The following CHRNB1 variants were observed in gnomAD, a reference collection of about 807,000 sequenced individuals.
CHRNB1 encodes cholinergic receptor nicotinic beta 1 subunit.
Under a neutral mutation model 53.8 loss-of-function variants are expected in CHRNB1, and 47 were observed. The observed-to-expected ratio is 0.87, with a 90% CI of 0.69 to 1.11. The LOEUF (loss-of-function observed/expected upper bound fraction) is 1.11. CHRNB1 is among the 50% of genes most tolerant of loss of function. CHRNB1 has a pLI of 0.00. For missense variants in CHRNB1, 605 were observed against 654.9 expected (o/e 0.92, Z 0.83); for synonymous variants, 259 against 263.5 (o/e 0.98, Z 0.16).
intron 5 of CHRNB1, 151 bp from the exon 6 acceptor site, chr17:7,447,352 C>A: frequency 1.0e-6 from 1 of 969,296 alleles, no homozygotes; most frequent in Non-Finnish European, 1.6e-6. Flanking sequence ...CAGTGACCGC[C>A]CTCCCCATCC....
At chr17:7,450,180 G>A (rs534723639) in intron 7 of CHRNB1, among the ~76,000 whole-genome samples, 6 of 145,106 alleles carry the variant, frequency 4.1e-5, no homozygotes, top group East Asian at 2.0e-4. Flanking sequence ...GTTTTGCCCC[G>A]TTGCCCAGGC....
Position 7,445,319 on chromosome 17 carries a change from T to C in CHRNB1, c.108T>C (p.Ser36=). The part of the protein sequence containing the change: ...AEGRLREKLF[S]GYDSSVRPAR... ...GTCGACTCCGGGAGAAACTTTTCTC[T>C]GGCTATGATAGCTCCGTGCGGCCAG... is the stretch of plus-strand genomic sequence containing the variant. The change falls in exon 2 of 11, where the codon TCT becomes TCC. Residue 36 remains serine, a synonymous_variant. Coordinates refer to ENST00000306071, the MANE Select transcript of CHRNB1 (RefSeq NM_000747.3). The surrounding 1 kb of genome is among the most constrained non-coding windows in gnomAD (Gnocchi z 5.7). 6.2e-7 allele frequency: 1 copy of C among 1,613,182 alleles called. No homozygotes were observed. Among genetic ancestry groups the C allele is most frequent in the South Asian group, 1.1e-5 (1 of 91,040 alleles).
intron 3 of CHRNB1, chr17:7,446,329 G>GTGTGTGTGTGTGTGTGTGTGTGTC (rs1908620440): frequency 5.6e-6 from 1 of 177,340 alleles, no homozygotes; most frequent in Non-Finnish European, 1.1e-5. Flanking sequence ...GTGTGTGTCT[G>GTGTGTGTGTGTGTGTGTGTGTGTC]TGTGTGTGTG....
intron 8 of CHRNB1, 66 bp from the exon 9 acceptor site, chr17:7,455,217 GT>G: frequency 6.3e-7 from 1 of 1,587,162 alleles, no homozygotes; most frequent in Non-Finnish European, 8.6e-7. Flanking sequence ...GAGTGGGGTG[GT>G]TGGCTGTTTC....
In CHRNB1 at chr17:7,447,612, G is replaced by A. The variant is rs756513117; in HGVS notation, c.572G>A (p.Gly191Glu). ...LQTGLGPDGQ[G>E]HQEIHIHEGT... ...ACAGGCCTGGGTCCTGACGGGCAAG[G>A]GCATCAGGAAATCCACATTCATGAA... The change falls in exon 6 of 11, where the codon GGG becomes GAG. Residue 191 changes from glycine to glutamate, a missense_variant. Gly to Glu is a moderately conservative substitution (Grantham distance 98, BLOSUM62 -2). Transcript: ENST00000306071. 18 of 1,614,052 alleles carry A rather than the reference G, an allele frequency of 1.1e-5. No individual in the cohort carries two copies. Among genetic ancestry groups the A allele is most frequent in the Non-Finnish European group, 1.5e-5 (18 of 1,180,046 alleles).
rs1163974287 is a variant in CHRNB1 at position 7,455,347 on chromosome 17, A to T, written c.1108A>T (p.Met370Leu). ...AAGGCCCAAACCCGAGAGAGACCTG[A>T]TGCCGGAGCCCCCTCACTGTTCTTC... ...LKRPKPERDLMPEPPHCSSPG... is the reference protein window; with the variant it reads ...LKRPKPERDLLPEPPHCSSPG... The change falls in exon 9 of 11, where the codon ATG becomes TTG. Residue 370 changes from methionine (M) to leucine (L), a missense_variant. Transcript: ENST00000306071. 2 of 1,613,992 alleles carry T rather than the reference A, an allele frequency of 1.2e-6. No homozygotes were observed. Among genetic ancestry groups the T allele is most frequent in the Non-Finnish European group, 1.7e-6 (2 of 1,180,028 alleles).
chr17:7,447,410 T>G, intron 5 of CHRNB1, 93 bp from the exon 6 acceptor site: 1 of 1,466,370 alleles, frequency 6.8e-7, no homozygotes, highest in Non-Finnish European at 9.5e-7. Flanking sequence ...TCCTCCATGA[T>G]TTCCCTTCTC....
At position 7,447,273 on chromosome 17, in the gene CHRNB1, C is replaced by G. The variant is rs557402005; in HGVS notation, c.462+122C>G. 2.7e-5 allele frequency: 26 copies of G among 948,882 alleles called. 1 individual carries two copies. Among genetic ancestry groups the G allele is most frequent in the Admixed American group, 5.9e-5 (3 of 50,612 alleles). The allele number at this position is 948,882 out of a possible 1,614,324, so 58.8% of individuals were successfully genotyped here. A position where few individuals can be genotyped will look rare whatever the true frequency, so the allele number is the denominator to read the frequency against. ...CCCCCATTATCTAATCCCCATGACC[C>G]TCACCTCGTCTACCCTCCTGGTTTT... On this transcript the variant is annotated intron_variant, in intron 5 of 10. Transcript: ENST00000306071.
chr17:7,455,260 C>A, intron 8 of CHRNB1, 24 bp from the exon 9 acceptor site: 1 of 1,613,762 alleles, frequency 6.2e-7, no homozygotes, highest in African/African-American at 1.3e-5. Context: ...AAGCCCCCAC[C>A]AATACGCCTC....
At chr17:7,452,751 G>A (rs143911377) in intron 7 of CHRNB1, among the ~76,000 whole-genome samples, 2 of 152,342 alleles carry the variant, frequency 1.3e-5, no homozygotes, top group East Asian at 3.9e-4. Flanking sequence ...GGCCAGGCGT[G>A]GTGGCTCACG....
At chr17:7,448,822 A>G (rs1346010306) in intron 7 of CHRNB1, 34 bp downstream of exon 7, 6 of 1,599,670 alleles carry the variant, frequency 3.8e-6, no homozygotes, top group Non-Finnish European at 2.6e-6. Flanking sequence ...CTCTTTTGTC[A>G]TTGGCTCAGC....
At chr17:7,456,469 T>A in intron 10 of CHRNB1, 114 bp from the exon 11 acceptor site, 1 of 1,361,980 alleles carries the variant, frequency 7.3e-7, no homozygotes. Flanking sequence ...CGCTGCCGGC[T>A]GTTGCCTCAA....
Position 7,455,268 on chromosome 17 carries a change from C to G in CHRNB1, c.1045-16C>G. ...AGCATGAAAGCCCCCACCAATACGC[C>G]TCTTCTACTCTGCAGATCTTCATTC... On this transcript the variant is annotated splice_polypyrimidine_tract_variant and intron_variant, in intron 8 of 10. Coordinates refer to ENST00000306071, the MANE Select transcript of CHRNB1 (RefSeq NM_000747.3). The G allele has an allele frequency of 1.2e-6, 2 of 1,613,954 alleles. No homozygotes were observed. The highest frequency in any genetic ancestry group is 1.7e-6 in the Non-Finnish European group (2 of 1,179,908).
Position 7,445,412 on chromosome 17 carries a change from G to A in CHRNB1, c.198+3G>A. ...TCCTGGCGCAACTCATCAGCCTGGT[G>A]AGGGCGCGCGGGGGGTGGAGGTCAG... is the stretch of plus-strand genomic sequence containing the variant. On this transcript the variant is annotated splice_donor_region_variant and intron_variant, in intron 2 of 10. Coordinates refer to ENST00000306071, the MANE Select transcript of CHRNB1 (RefSeq NM_000747.3). This position sits in a 1 kb window ranked among gnomAD's most constrained non-coding sequence, Gnocchi z 5.7. 1 of 1,611,016 alleles carries A rather than the reference G, an allele frequency of 6.2e-7. No homozygotes were observed. The highest frequency in any genetic ancestry group is 8.5e-7 in the Non-Finnish European group (1 of 1,179,458).
chr17:7,446,892 C>T lies in CHRNB1; in HGVS notation c.303C>T (p.Leu101=), dbSNP rs748183383. ...DPAEHDGIDS[L]RITAESVWLP... ...CGGAGCACGACGGCATCGATTCGCT[C>T]CGCATCACGGCGGAATCCGTGTGGC... The change falls in exon 4 of 11, where the codon CTC becomes CTT. Residue 101 remains leucine (L), a synonymous_variant. Transcript: ENST00000306071. 4 of 1,613,928 alleles carry T rather than the reference C, an allele frequency of 2.5e-6. No homozygotes were observed. The highest frequency in any genetic ancestry group is 1.1e-5 in the South Asian group (1 of 91,080).
In CHRNB1 at chr17:7,448,704, C is replaced by G; in HGVS notation, c.736C>G (p.Leu246Val). The G allele has an allele frequency of 6.2e-7, 1 of 1,614,238 alleles. No individual in the cohort carries two copies. Among genetic ancestry groups the G allele is most frequent in the African/African-American group, 1.3e-5 (1 of 75,054 alleles). The change falls in exon 7 of 11, where the codon CTC becomes GTC. Residue 246 changes from leucine (L) to valine (V), a missense_variant. Leu to Val is a conservative substitution (Grantham distance 32). Coordinates refer to ENST00000306071, the MANE Select transcript of CHRNB1 (RefSeq NM_000747.3). ...CTACCTCATCATCCGCCGCAAGCCT[C>G]TCTTCTACCTGGTCAACGTCATTGC... is the stretch of plus-strand genomic sequence containing the variant. ...IFYLIIRRKP[L>V]FYLVNVIAPC...
chr17:7,446,407 G>C, intron 3 of CHRNB1: 2 of 542,872 alleles, frequency 3.7e-6, no homozygotes, highest in South Asian at 4.1e-5. Context: ...GGCTGTTCTT[G>C]AATGCGGGGG....
intron 5 of CHRNB1, 71 bp downstream of exon 5, chr17:7,447,222 C>G: frequency 7.8e-7 from 1 of 1,276,242 alleles, no homozygotes; most frequent in South Asian, 1.2e-5. Flanking sequence ...ATCCTGACTC[C>G]CCGGCGACTC....
rs2069958177 is a variant in CHRNB1 at position 7,456,874 on chromosome 17, G to C, written c.*151G>C. ...GGGGACTGCATTGGACTGAGGGCTG[G>C]GTAGGCAGGTGTCTTGGACCCACCT... is the stretch of plus-strand genomic sequence containing the variant. On this transcript the variant is annotated 3_prime_UTR_variant, in exon 11 of 11. Transcript: ENST00000306071. The C allele has an allele frequency of 1.0e-6, 1 of 997,018 alleles. No homozygotes were observed. The highest frequency in any genetic ancestry group is 1.5e-6 in the Non-Finnish European group (1 of 666,116). The allele number at this position is 997,018 out of a possible 1,614,324, so 61.8% of individuals were successfully genotyped here. A position where few individuals can be genotyped will look rare whatever the true frequency, so the allele number is the denominator to read the frequency against.
Sources: allele counts gnomAD v4.1 joint callset (sites outside exome capture counted in the v4.1 genomes callset), GRCh38; gene constraint gnomAD v4.1.1; non-coding constraint Gnocchi (gnomAD v3.1); transcripts MANE v1.5; gene names NCBI Gene and HGNC (gene_info 2026-07-23, HGNC 2026-07-21).